The following JARID2 variants were observed in gnomAD, a reference collection of about 807,000 sequenced individuals.
JARID2 encodes jumonji and AT-rich interaction domain containing 2.
A neutral mutation model predicts 125.6 loss-of-function variants in JARID2; 21 were observed. The observed-to-expected ratio is 0.17, with a 90% CI of 0.12 to 0.24. The LOEUF is 0.24. JARID2 is among the 10% of genes least tolerant of loss of function. JARID2 has a pLI of 1.00. For missense variants in JARID2, 1,303 were observed against 1,639.6 expected (o/e 0.79, Z 3.55); for synonymous variants, 736 against 661.6 (o/e 1.11, Z -1.73).
chr6:15,513,643 A>G lies in JARID2; in HGVS notation c.3450+221A>G, dbSNP rs541833033. Among the ~76,000 whole-genome samples the G allele has an allele frequency of 1.8e-3, 273 of 152,262 alleles. 3 individuals are homozygous for G. The Middle Eastern group carries it at 0.024, about 13-fold the overall frequency. ...CAGAGGCTGTCCCTCTGTTCTGCCC[A>G]CGCGTGGCCCTCCCTCGGTCCTGCA... On this transcript the variant is annotated intron_variant, in intron 16 of 17. Coordinates refer to ENST00000341776, the MANE Select transcript of JARID2 (RefSeq NM_004973.4).
At chr6:15,342,161 A>C (rs1158721484) in intron 1 of JARID2, among the ~76,000 whole-genome samples, 3 of 152,172 alleles carry the variant, frequency 2.0e-5, no homozygotes, top group African/African-American at 7.2e-5. Context: ...CAGTCTCTCA[A>C]AGTCTGGCTT....
intron 1 of JARID2, among the ~76,000 whole-genome samples, chr6:15,319,134 A>T (rs1762270701): frequency 6.6e-6 from 1 of 152,228 alleles, no homozygotes; most frequent in South Asian, 2.1e-4. Context: ...GGGAGAGAGG[A>T]TGCTGTCTGT....
intron 5 of JARID2, among the ~76,000 whole-genome samples, chr6:15,485,029 TA>T (rs1377527695): frequency 1.3e-5 from 2 of 152,226 alleles, no homozygotes; most frequent in African/African-American, 4.8e-5. Flanking sequence ...CTAGCACAGA[TA>T]CTGCCAGCTT....
chr6:15,468,052 CTA>C (rs1383076458), intron 4 of JARID2, among the ~76,000 whole-genome samples: 1 of 151,902 alleles, frequency 6.6e-6, no homozygotes, highest in East Asian at 1.9e-4. Flanking sequence ...ACTTCCAAAA[CTA>C]TTGGAATTTG....
At chr6:15,269,819 C>T (rs1760228866) in intron 1 of JARID2, among the ~76,000 whole-genome samples, 1 of 152,110 alleles carries the variant, frequency 6.6e-6, no homozygotes, top group African/African-American at 2.4e-5. Context: ...CCAGAAGTGA[C>T]TTGGATGGGA....
rs576648307 is a variant in JARID2, at chr6:15,518,463, C to T, written c.3558+1195C>T. ...GAGTAGTTCAGTAAGCATGTCTGTG[C>T]CTCTGTCCCCTGTTGAGCTGTGCAT... On this transcript the variant is annotated intron_variant, in intron 17 of 17. Transcript: ENST00000341776. Among the ~76,000 whole-genome samples the T allele has an allele frequency of 4.4e-4, 67 of 152,272 alleles. 1 individual carries two copies. Among genetic ancestry groups the T allele is most frequent in the East Asian group, 3.9e-3 (20 of 5,176 alleles).
At chr6:15,416,688 G>A (rs990505271) in intron 3 of JARID2, among the ~76,000 whole-genome samples, 4 of 141,310 alleles carry the variant, frequency 2.8e-5, no homozygotes, top group Non-Finnish European at 5.9e-5. Flanking sequence ...GAAAGAGAGG[G>A]AGAGGGAGAC....
At chr6:15,323,787 C>T (rs1397912168) in intron 1 of JARID2, among the ~76,000 whole-genome samples, 2 of 152,146 alleles carry the variant, frequency 1.3e-5, no homozygotes, top group Non-Finnish European at 2.9e-5. Flanking sequence ...CCCAGCTACT[C>T]TGGAGGCCAC....
intron 6 of JARID2, among the ~76,000 whole-genome samples, chr6:15,492,881 G>T (rs532046415): frequency 6.6e-6 from 1 of 152,200 alleles, no homozygotes; most frequent in East Asian, 1.9e-4. Flanking sequence ...GTGATATCTG[G>T]GTGGATACTG....
chr6:15,248,915 G>T, intron 1 of JARID2: 1 of 985,710 alleles, frequency 1.0e-6, no homozygotes, highest in Non-Finnish European at 1.2e-6. Context: ...AGAGGAGGAA[G>T]ATGCGCTCGG....
chr6:15,289,793 C>G (rs1018014761), intron 1 of JARID2, among the ~76,000 whole-genome samples: 2 of 152,144 alleles, frequency 1.3e-5, no homozygotes, highest in Non-Finnish European at 2.9e-5. Flanking sequence ...TTGCAGTAAG[C>G]TGAGATGGTG....
intron 4 of JARID2, among the ~76,000 whole-genome samples, chr6:15,458,363 C>G (rs1486209891): frequency 1.3e-5 from 2 of 152,172 alleles, no homozygotes; most frequent in African/African-American, 4.8e-5. Flanking sequence ...TTCCTATGAC[C>G]GTGGGCATCA....
chr6:15,518,762 G>A (rs550412764), intron 17 of JARID2, among the ~76,000 whole-genome samples: 4 of 152,280 alleles, frequency 2.6e-5, no homozygotes, highest in East Asian at 1.9e-4. Context: ...GATTACAGGC[G>A]TGAGCCACCA....
At chr6:15,268,454 C>A (rs1475161185) in intron 1 of JARID2, among the ~76,000 whole-genome samples, 1 of 151,986 alleles carries the variant, frequency 6.6e-6, no homozygotes, top group Admixed American at 6.6e-5. Context: ...AGTGTTGGGG[C>A]GGCCTGGGGA....
chr6:15,319,810 A>G (rs910603923), intron 1 of JARID2, among the ~76,000 whole-genome samples: 2 of 152,216 alleles, frequency 1.3e-5, no homozygotes, highest in Non-Finnish European at 1.5e-5. Flanking sequence ...ATGGTTGCAG[A>G]TTATGTAAAT....
At chr6:15,430,538 C>T (rs931032328) in intron 3 of JARID2, among the ~76,000 whole-genome samples, 2 of 152,144 alleles carry the variant, frequency 1.3e-5, no homozygotes. Context: ...GAGTATATAA[C>T]AGTATAATAG....
intron 1 of JARID2, among the ~76,000 whole-genome samples, chr6:15,334,399 GTTT>G (rs896786514): frequency 1.9e-3 from 281 of 144,224 alleles, no homozygotes; most frequent in African/African-American, 7.6e-3. Context: ...CTATAAAAAT[GTTT>G]TTTCTATATT....
At chr6:15,374,316 G>C in intron 2 of JARID2, 64 bp downstream of exon 2, 1 of 1,546,906 alleles carries the variant, frequency 6.5e-7, no homozygotes, top group Non-Finnish European at 8.9e-7. Context: ...ACTTGTTCCT[G>C]AATTGGATGT....
intron 1 of JARID2, among the ~76,000 whole-genome samples, chr6:15,355,039 C>T (rs1763551880): frequency 6.6e-6 from 1 of 152,126 alleles, no homozygotes; most frequent in African/African-American, 2.4e-5. Context: ...ATTGAGAGCA[C>T]TATATGAACC....
Sources: allele counts gnomAD v4.1 joint callset (sites outside exome capture counted in the v4.1 genomes callset), GRCh38; gene constraint gnomAD v4.1.1; transcripts MANE v1.5; gene names NCBI Gene and HGNC (gene_info 2026-07-23, HGNC 2026-07-21).